TMEM39B: variants seen among roughly 807,000 people sequenced by gnomAD.
TMEM39B encodes the protein transmembrane protein 39B.
TMEM39B carries 23 observed loss-of-function variants against 52.2 expected under a neutral mutation model. The observed-to-expected ratio is 0.44, with a 90% CI of 0.32 to 0.62. The LOEUF is 0.62. Ranked by LOEUF, TMEM39B falls within the 20% of genes least tolerant of loss-of-function variation. The pLI, the probability that TMEM39B is intolerant of heterozygous loss-of-function variation, is 0.06. For missense variants in TMEM39B, 547 were observed against 642.0 expected, an observed-to-expected ratio of 0.85 and a Z score of 1.60; for synonymous variants, 285 against 264.0, an observed-to-expected ratio of 1.08 and a Z score of -0.77.
chr1:32,102,228 A>G (rs1641044521), intron 8 of TMEM39B, among the ~76,000 whole-genome samples: 1 of 152,160 alleles, frequency 6.6e-6, no homozygotes, highest in Non-Finnish European at 1.5e-5. Context: ...CATCAGAAGC[A>G]GCAGTCCTAT....
chr1:32,076,849 G>GC lies in TMEM39B; in HGVS notation c.435+3_435+4insC, dbSNP rs1445819594. 33 of 1,614,070 alleles carry GC rather than the reference G, an allele frequency of 2.0e-5. No homozygotes were observed. Among genetic ancestry groups the GC allele is most frequent in the Non-Finnish European group, 2.5e-5 (29 of 1,179,994 alleles). ...TCATTGGGTCCATCGTGAAGGAGGTGATTGGGTCCTAGAGGCTGGCCAGGG... is the reference window on the plus strand; with the variant it reads ...TCATTGGGTCCATCGTGAAGGAGGTGCATTGGGTCCTAGAGGCTGGCCAGGG... On this transcript the variant is annotated splice_donor_region_variant and intron_variant, in intron 4 of 8. Coordinates refer to ENST00000336294, the MANE Select transcript of TMEM39B (RefSeq NM_018056.4).
chr1:32,086,427 C>G (rs191743180), intron 5 of TMEM39B, among the ~76,000 whole-genome samples: 9 of 152,276 alleles, frequency 5.9e-5, no homozygotes, highest in Non-Finnish European at 1.2e-4. Flanking sequence ...GAGATGTGCT[C>G]TAAGTGTAAA....
At chr1:32,078,558 T>G (rs1221803173) in intron 5 of TMEM39B, among the ~76,000 whole-genome samples, 1 of 152,104 alleles carries the variant, frequency 6.6e-6, no homozygotes, top group Non-Finnish European at 1.5e-5. Flanking sequence ...AAAAAGAAAG[T>G]CCCACATAGT....
chr1:32,095,091 A>G, intron 7 of TMEM39B, 120 bp downstream of exon 7: 1 of 1,221,886 alleles, frequency 8.2e-7, no homozygotes, highest in South Asian at 1.5e-5. Context: ...TGTCTTGTAT[A>G]TTATTAGGCC....
chr1:32,078,599 C>T (rs1639962521), intron 5 of TMEM39B, among the ~76,000 whole-genome samples: 1 of 152,152 alleles, frequency 6.6e-6, no homozygotes, highest in African/African-American at 2.4e-5. Context: ...TTACTGGCAG[C>T]AATTTTCCCA....
At chr1:32,091,182 C>T (rs2124477984) in intron 5 of TMEM39B, among the ~76,000 whole-genome samples, 2 of 152,250 alleles carry the variant, frequency 1.3e-5, no homozygotes, top group Admixed American at 1.3e-4. Flanking sequence ...GTCCCACCCC[C>T]ACCTGCCCTA....
intron 5 of TMEM39B, among the ~76,000 whole-genome samples, chr1:32,089,984 G>A (rs1463916011): frequency 5.3e-5 from 8 of 151,442 alleles, no homozygotes; most frequent in East Asian, 3.9e-4. Context: ...AGCTAAGATC[G>A]CGGCACTGCA....
Position 32,080,523 on chromosome 1 carries a change from C to T in TMEM39B, c.590+3205C>T, listed in dbSNP as rs144944448. 5.5e-3 allele frequency among the ~76,000 whole-genome samples: 834 copies of T among 151,600 alleles called. 8 individuals are homozygous for T. Among genetic ancestry groups the T allele is most frequent in the African/African-American group, 0.019 (795 of 41,362 alleles). ...TACTAAAAAAATACAAAAAACTAGC[C>T]GGGCATGGTGGATGGCACTTGCAGT... On this transcript the variant is annotated intron_variant, in intron 5 of 8. Transcript: ENST00000336294.
chr1:32,094,921 C>A lies in TMEM39B; in HGVS notation c.1065C>A (p.Gly355=). ...DLLHKAAAHL[G]CWQKVDPALC... Reference sequence around the variant, plus strand: ...TGCACAAGGCCGCCGCCCATCTGGGCTGTTGGCAGAAGGTGGACCCAGCGC... The same window carrying A: ...TGCACAAGGCCGCCGCCCATCTGGGATGTTGGCAGAAGGTGGACCCAGCGC... The change falls in exon 7 of 9, where the codon GGC becomes GGA. Residue 355 remains glycine (G), a synonymous_variant. Coordinates refer to ENST00000336294, the MANE Select transcript of TMEM39B (RefSeq NM_018056.4). The A allele has an allele frequency of 6.2e-7, 1 of 1,613,906 alleles. No individual in the cohort carries two copies.
At chr1:32,093,753 A>G (rs1279697555) in intron 6 of TMEM39B, among the ~76,000 whole-genome samples, 2 of 151,244 alleles carry the variant, frequency 1.3e-5, no homozygotes. Context: ...TGGAGCTTTC[A>G]TAAGTGTTAC....
chr1:32,081,869 C>A (rs942967826), intron 5 of TMEM39B, among the ~76,000 whole-genome samples: 1 of 152,096 alleles, frequency 6.6e-6, no homozygotes, highest in African/African-American at 2.4e-5. Context: ...CTCCCAGCCA[C>A]CCAGTTTCCT....
rs145243136 is a variant in TMEM39B at position 32,076,030 on chromosome 1, G to A, written c.351+208G>A. On this transcript the variant is annotated intron_variant, in intron 3 of 8. Transcript: ENST00000336294. ...TGTGTTTAGTAGCACATTGGGCACT[G>A]TAAGTGTATGGGAGATGAATCTGAC... 21 of 362,516 alleles carry A rather than the reference G, an allele frequency of 5.8e-5. No individual in the cohort carries two copies. The East Asian group carries it at 9.4e-4, about 16-fold the overall frequency. 22.5% of individuals were successfully genotyped at this position (362,516 alleles called of 1,614,324 possible).
At chr1:32,101,801 A>G (rs1158586233) in intron 8 of TMEM39B, among the ~76,000 whole-genome samples, 1 of 152,172 alleles carries the variant, frequency 6.6e-6, no homozygotes, top group Non-Finnish European at 1.5e-5. Context: ...TGTGGAATCA[A>G]AATCCCTAGA....
chr1:32,078,152 T>C (rs1639944207), intron 5 of TMEM39B, among the ~76,000 whole-genome samples: 1 of 152,176 alleles, frequency 6.6e-6, no homozygotes, highest in African/African-American at 2.4e-5. Flanking sequence ...ATGGGAGCCC[T>C]GTCACACTTC....
At chr1:32,073,158 G>A (rs890812777) in intron 1 of TMEM39B, 107 bp downstream of exon 1, 5 of 1,339,018 alleles carry the variant, frequency 3.7e-6, no homozygotes, top group Non-Finnish European at 3.9e-6. Flanking sequence ...GTGACGGGAG[G>A]GGGAGGGGAT....
chr1:32,093,218 C>T lies in TMEM39B; in HGVS notation c.927+1207C>T, dbSNP rs560939076. Among the ~76,000 whole-genome samples the T allele has an allele frequency of 9.3e-4, 142 of 151,958 alleles. 1 individual carries two copies. The highest frequency in any genetic ancestry group is 2.9e-3 in the African/African-American group (119 of 41,424). The stretch of plus-strand genomic sequence containing the variant: ...GGTTCAAGCAACTCTCCTGCCTCAG[C>T]CTCCCAAGTAGCTGGGATTACAGGC... On this transcript the variant is annotated intron_variant, in intron 6 of 8. Coordinates refer to ENST00000336294, the MANE Select transcript of TMEM39B (RefSeq NM_018056.4).
intron 7 of TMEM39B, among the ~76,000 whole-genome samples, chr1:32,098,060 G>T (rs144099314): frequency 6.6e-6 from 1 of 151,988 alleles, no homozygotes; most frequent in East Asian, 1.9e-4. Context: ...GCAGTGCTGC[G>T]ATCTTGGCTC....
chr1:32,078,779 T>C (rs1639969131), intron 5 of TMEM39B, among the ~76,000 whole-genome samples: 1 of 151,956 alleles, frequency 6.6e-6, no homozygotes, highest in South Asian at 2.1e-4. Flanking sequence ...TAACTGGGAT[T>C]ACAGGTGCCC....
chr1:32,097,552 G>A (rs988893918), intron 7 of TMEM39B, among the ~76,000 whole-genome samples: 12 of 151,852 alleles, frequency 7.9e-5, no homozygotes, highest in East Asian at 1.9e-4. Context: ...GGCTGGTCAC[G>A]AACTCCCAAC....
Sources: allele counts gnomAD v4.1 joint callset (sites outside exome capture counted in the v4.1 genomes callset), GRCh38; gene constraint gnomAD v4.1.1; transcripts MANE v1.5; gene names NCBI Gene and HGNC (gene_info 2026-07-23, HGNC 2026-07-21).